Variants in FGF13 observed in about 807,000 individuals in gnomAD.
FGF13 encodes fibroblast growth factor 13.
In FGF13, 2 loss-of-function variants were observed where a neutral mutation model predicts 19.5. The ratio of observed to expected loss-of-function variants is 0.10; its 90% CI spans 0.04 to 0.32. The LOEUF (loss-of-function observed/expected upper bound fraction) is 0.32. Ranked by LOEUF, FGF13 falls within the 10% of genes least tolerant of loss-of-function variation. FGF13 has a pLI of 1.00. For missense variants in FGF13, 113 were observed against 192.7 expected (o/e 0.59, Z 2.45); for synonymous variants, 72 against 76.9 (o/e 0.94, Z 0.33).
At chrX:138,933,566 T>A (rs897731485) in intron 1 of FGF13, among the ~76,000 whole-genome samples, 8 of 112,037 alleles carry the variant, frequency 7.1e-5, no homozygotes, top group Non-Finnish European at 1.5e-4. Flanking sequence ...CTTTTGGAAG[T>A]CCCAAGGGTA....
At chrX:139,019,047 G>C (rs1278553418) in intron 1 of FGF13, among the ~76,000 whole-genome samples, 2 of 111,312 alleles carry the variant, frequency 1.8e-5, no homozygotes, top group Admixed American at 1.9e-4. Context: ...TGCCTAAGCT[G>C]TACATTTCAT....
intron 1 of FGF13, among the ~76,000 whole-genome samples, chrX:139,083,998 G>A (rs1180553758): frequency 1.8e-5 from 2 of 110,752 alleles, no homozygotes; most frequent in Non-Finnish European, 3.8e-5. Flanking sequence ...CCGAGATGGG[G>A]GACTGGTGTG....
At chrX:138,871,998 T>C (rs1186615476) in intron 1 of FGF13, among the ~76,000 whole-genome samples, 1 of 112,021 alleles carries the variant, frequency 8.9e-6, no homozygotes, top group Non-Finnish European at 1.9e-5. Context: ...GAGAACAGAC[T>C]GCAGGGCGCA....
intron 3 of FGF13, among the ~76,000 whole-genome samples, chrX:138,762,451 GT>G (rs2090474538): frequency 8.9e-6 from 1 of 112,375 alleles, no homozygotes; most frequent in South Asian, 3.7e-4. Flanking sequence ...GAGGAAGACT[GT>G]TTAGACAAAG....
In FGF13 at chrX:138,866,050, T is replaced by C. The variant is rs780594163; in HGVS notation, c.-112-1400A>G. ...GGAAATCTTGTTGGTGAATGTCTAG[T>C]TAAATACACTGGACCTTCTTTAATG... On this transcript the variant is annotated intron_variant, in intron 1 of 2. Transcript: ENST00000421460. Among the ~76,000 whole-genome samples, 4 of 112,812 alleles carry C rather than the reference T, an allele frequency of 3.5e-5. No individual in the cohort carries two copies. In the South Asian group the frequency reaches 1.5e-3, roughly 41 times the overall value.
At chrX:138,987,837 T>G (rs2092000055) in intron 1 of FGF13, among the ~76,000 whole-genome samples, 2 of 112,164 alleles carry the variant, frequency 1.8e-5, no homozygotes, top group African/African-American at 6.5e-5. Context: ...AAACACGCTA[T>G]TCATTTGTGA....
rs1457817136 is a variant in FGF13, at chrX:138,840,465, T to C, written c.217+17047A>G. 3.6e-5 allele frequency among the ~76,000 whole-genome samples: 4 copies of C among 111,929 alleles called. No individual in the cohort carries two copies. In the South Asian group the frequency reaches 1.1e-3, roughly 31 times the overall value. ...GGAGTAAATGAAGGGTAAAATTCAA[T>C]ATGCACAACAGGTCGCCCTGCCACT... On this transcript the variant is annotated intron_variant, in intron 3 of 6. Transcript: ENST00000436198.
intron 3 of FGF13, among the ~76,000 whole-genome samples, chrX:138,759,281 C>A (rs935416892): frequency 6.2e-5 from 7 of 112,267 alleles, no homozygotes; most frequent in Non-Finnish European, 1.3e-4. Flanking sequence ...ATACACCAAG[C>A]GAATATTGAT....
intron 1 of FGF13, among the ~76,000 whole-genome samples, chrX:139,033,943 T>C (rs757911451): frequency 2.7e-5 from 3 of 111,747 alleles, no homozygotes; most frequent in Non-Finnish European, 5.7e-5. Flanking sequence ...GAGAAAACCA[T>C]CAGCAGGGAA....
At chrX:138,865,470 TCTC>T (rs2091316536) in intron 1 of FGF13, among the ~76,000 whole-genome samples, 20 of 85,981 alleles carry the variant, frequency 2.3e-4, no homozygotes, top group African/African-American at 1.0e-3. Context: ...TCTCTCTCTC[TCTC>T]CTCTCTCTCT....
intron 1 of FGF13, among the ~76,000 whole-genome samples, chrX:138,868,894 C>T: frequency 9.0e-6 from 1 of 110,843 alleles, no homozygotes; most frequent in Non-Finnish European, 1.9e-5. Context: ...GAGCTCCCTG[C>T]CTCACGAAGA....
At chrX:138,963,704 A>T (rs187746683) in intron 1 of FGF13, among the ~76,000 whole-genome samples, 180 of 112,436 alleles carry the variant, frequency 1.6e-3, no homozygotes, top group Non-Finnish European at 2.6e-3. Flanking sequence ...CAGCCTACTG[A>T]GTAGCAAAAT....
chrX:138,699,739 C>CCA (rs2124227994), intron 3 of FGF13, among the ~76,000 whole-genome samples: 1 of 112,301 alleles, frequency 8.9e-6, no homozygotes, highest in East Asian at 2.8e-4. Flanking sequence ...CATTATTTGA[C>CCA]AAGCTCTCTC....
intron 3 of FGF13, among the ~76,000 whole-genome samples, chrX:138,687,827 G>A (rs1260084063): frequency 8.9e-6 from 1 of 111,785 alleles, no homozygotes; most frequent in Non-Finnish European, 1.9e-5. Flanking sequence ...CCACAAAAAA[G>A]AATAAAATCA....
intron 1 of FGF13, among the ~76,000 whole-genome samples, chrX:139,188,038 C>A (rs914163061): frequency 8.9e-6 from 1 of 112,239 alleles, no homozygotes; most frequent in African/African-American, 3.2e-5. Context: ...GTCAAGTTAA[C>A]GATCGCACTT....
At chrX:138,674,898 C>T (rs940269576) in intron 3 of FGF13, among the ~76,000 whole-genome samples, 9 of 111,166 alleles carry the variant, frequency 8.1e-5, no homozygotes, top group Admixed American at 3.8e-4. Context: ...AAGAGTAATG[C>T]TGGAGGGTGT....
chrX:138,671,570 T>C (rs2227070), intron 3 of FGF13, among the ~76,000 whole-genome samples: 100 of 111,242 alleles, frequency 9.0e-4, no homozygotes, highest in Non-Finnish European at 1.3e-3. Context: ...GAAAGATCAC[T>C]AAGCAAAATA....
At chrX:139,040,894 T>C (rs924273017) in intron 1 of FGF13, among the ~76,000 whole-genome samples, 1 of 110,756 alleles carries the variant, frequency 9.0e-6, no homozygotes, top group Non-Finnish European at 1.9e-5. Flanking sequence ...AACGAGATCA[T>C]GTCCTTTGCA....
intron 1 of FGF13, among the ~76,000 whole-genome samples, chrX:139,043,455 C>T (rs1037960494): frequency 6.3e-5 from 7 of 110,517 alleles, no homozygotes; most frequent in African/African-American, 1.3e-4. Flanking sequence ...TCAGGTAATC[C>T]GCCCGCCTCG....
Sources: allele counts gnomAD v4.1 joint callset (sites outside exome capture counted in the v4.1 genomes callset), GRCh38; gene constraint gnomAD v4.1.1; transcripts MANE v1.5; gene names NCBI Gene and HGNC (gene_info 2026-07-23, HGNC 2026-07-21).